Variants in MPHOSPH9 observed in about 807,000 individuals in gnomAD.
MPHOSPH9 encodes the protein M-phase phosphoprotein 9.
MPHOSPH9 carries 88 observed loss-of-function variants against 145.5 expected under a neutral mutation model. That is an observed-to-expected ratio of 0.60 (90% confidence interval 0.51 to 0.72). MPHOSPH9 has a LOEUF of 0.72. Ranked by LOEUF, MPHOSPH9 falls within the 30% of genes least tolerant of loss-of-function variation. The pLI is 0.00. For missense variants in MPHOSPH9, 1,238 were observed against 1,386.6 expected, an observed-to-expected ratio of 0.89 and a Z score of 1.70; for synonymous variants, 435 against 486.2, an observed-to-expected ratio of 0.89 and a Z score of 1.39.
intron 6 of MPHOSPH9, 91 bp downstream of exon 6, chr12:123,218,285 G>A (rs113211315): frequency 1.3e-6 from 2 of 1,507,806 alleles, no homozygotes; most frequent in Non-Finnish European, 1.8e-6. Flanking sequence ...CAATACAAAA[G>A]AAAGGGCACA....
chr12:123,212,503 T>C (rs2046771352), intron 7 of MPHOSPH9, among the ~76,000 whole-genome samples: 1 of 151,516 alleles, frequency 6.6e-6, no homozygotes, highest in Non-Finnish European at 1.5e-5. Context: ...AGGTCAGGAG[T>C]TGAAGACCAG....
At position 123,163,127 on chromosome 12, in the gene MPHOSPH9, T is replaced by G. The variant is rs113691453; in HGVS notation, c.2916A>C (p.Arg972Ser). 6.3e-7 allele frequency: 1 copy of G among 1,578,028 alleles called. No homozygotes were observed. The highest frequency in any genetic ancestry group is 1.4e-5 in the African/African-American group (1 of 72,570). ...SNRKSSTPTK[R>S]EIMLTPVTVA... ...CAGTCACTGGTGTTAGCATAATCTC[T>G]CTTTTTGCTATAGAAGAAAATGAAG... The change falls in exon 20 of 24, where the codon AGA becomes AGC. Residue 972 changes from arginine (R) to serine (S), a missense_variant. Coordinates refer to ENST00000606320, the MANE Select transcript of MPHOSPH9 (RefSeq NM_022782.4).
chr12:123,194,446 A>G lies in MPHOSPH9; in HGVS notation c.2181T>C (p.Ala727=). Reference sequence around the variant, plus strand: ...CTTCTTTATCATCTGAGAGTTTGTAAGCATTCTCAAATGCTTCTTCTAAAT... The same window carrying G: ...CTTCTTTATCATCTGAGAGTTTGTAGGCATTCTCAAATGCTTCTTCTAAAT... ...LQDLEEAFEN[A]YKLSDDKEAQ... is the part of the protein sequence containing the mutation. Residue 727 remains alanine (A), a synonymous_variant, in exon 13 of 24, where the codon GCT becomes GCC. Transcript: ENST00000606320. The G allele has an allele frequency of 1.2e-6, 2 of 1,609,898 alleles. No homozygotes were observed. The highest frequency in any genetic ancestry group is 1.7e-6 in the Non-Finnish European group (2 of 1,178,656).
At chr12:123,174,544 T>C (rs2044742669) in intron 16 of MPHOSPH9, among the ~76,000 whole-genome samples, 1 of 151,930 alleles carries the variant, frequency 6.6e-6, no homozygotes, top group African/African-American at 2.4e-5. Flanking sequence ...GGCTAATTTT[T>C]TGTATTTTTA....
At chr12:123,167,162 A>C (rs1158542076) in intron 16 of MPHOSPH9, among the ~76,000 whole-genome samples, 1 of 152,234 alleles carries the variant, frequency 6.6e-6, no homozygotes, top group Non-Finnish European at 1.5e-5. Context: ...TGTCCAACAG[A>C]ATCTTCTGCA....
rs774836810 is a variant in MPHOSPH9, at chr12:123,162,996, C to T, written c.3029+18G>A. On this transcript the variant is annotated intron_variant, in intron 20 of 23. Transcript: ENST00000606320. ...CACTAATATAGTAAACTTTATTCTA[C>T]AATTTTAGAGAACTTACCGAATTGG... 1 of 1,530,368 alleles carries T rather than the reference C, an allele frequency of 6.5e-7. No individual in the cohort carries two copies. The allele number at this position is 1,530,368 out of a possible 1,614,324, so 94.8% of individuals were successfully genotyped here.
In MPHOSPH9 at chr12:123,157,520, C is replaced by G. The variant is rs143160626; in HGVS notation, c.3451-612G>C. The stretch of plus-strand genomic sequence containing the variant: ...GTTGAGACAGGGTCTTGCTCTGTCA[C>G]CCAAAGCTGAACTGCAATGGCATGA... On this transcript the variant is annotated intron_variant, in intron 23 of 23. Coordinates refer to ENST00000606320, the MANE Select transcript of MPHOSPH9 (RefSeq NM_022782.4). 7.2e-5 allele frequency among the ~76,000 whole-genome samples: 11 copies of G among 152,268 alleles called. No individual in the cohort carries two copies. The East Asian group carries it at 1.9e-3, about 27-fold the overall frequency.
At chr12:123,176,906 C>A (rs1238160018) in intron 15 of MPHOSPH9, 117 bp from the exon 16 acceptor site, 2 of 767,554 alleles carry the variant, frequency 2.6e-6, no homozygotes, top group Admixed American at 2.3e-5. Flanking sequence ...AGTTGCAAGT[C>A]CATGGCCGGG....
Position 123,202,856 on chromosome 12 carries a change from GAGA to G in MPHOSPH9, c.1546_1548del (p.Ser516del), listed in dbSNP as rs1565944970. On this transcript the variant is annotated inframe_deletion, in exon 10 of 24. Coordinates refer to ENST00000606320, the MANE Select transcript of MPHOSPH9 (RefSeq NM_022782.4). ...GTCTGATTTTTCCAAGAGTCCACCG[GAGA>G]AGCTTTTGTGTGTGAGGGATATTTT... 2 of 1,614,198 alleles carry G rather than the reference GAGA, an allele frequency of 1.2e-6. No homozygotes were observed. Among genetic ancestry groups the G allele is most frequent in the African/African-American group, 1.3e-5 (1 of 75,058 alleles).
intron 15 of MPHOSPH9, among the ~76,000 whole-genome samples, chr12:123,177,512 G>A (rs1368219825): frequency 6.6e-6 from 1 of 151,726 alleles, no homozygotes; most frequent in African/African-American, 2.4e-5. Flanking sequence ...CTCCAGCCTG[G>A]GCAACAGAGC....
chr12:123,195,301 A>G (rs1478299418), intron 12 of MPHOSPH9, among the ~76,000 whole-genome samples: 110 of 143,316 alleles, frequency 7.7e-4, no homozygotes, highest in Admixed American at 7.2e-3. Flanking sequence ...CAGGAAATTC[A>G]GTTGGCCAGG....
chr12:123,160,753 A>G (rs1278519586), intron 23 of MPHOSPH9, 28 bp downstream of exon 23: 2 of 1,606,292 alleles, frequency 1.2e-6, no homozygotes, highest in Non-Finnish European at 1.7e-6. Context: ...TCAAGCCTCT[A>G]AAGCAGATTC....
chr12:123,233,440 G>T (rs1425377889), upstream of MPHOSPH9: 4 of 152,320 alleles, frequency 2.6e-5, no homozygotes, highest in African/African-American at 9.6e-5. Flanking sequence ...TACGGCGCGT[G>T]CGCAGATCAG....
chr12:123,205,783 A>C (rs1593186216), intron 8 of MPHOSPH9, among the ~76,000 whole-genome samples: 1 of 152,270 alleles, frequency 6.6e-6, no homozygotes, highest in Non-Finnish European at 1.5e-5. Context: ...ACATCTCTAA[A>C]GTAGGGATGC....
rs745690899 is a variant in MPHOSPH9, at chr12:123,166,728, T to C, written c.2518A>G (p.Ile840Val). 37 of 1,614,118 alleles carry C rather than the reference T, an allele frequency of 2.3e-5. No homozygotes were observed. Among genetic ancestry groups the C allele is most frequent in the Non-Finnish European group, 2.9e-5 (34 of 1,180,030 alleles). Reference protein sequence around the residue: ...KWLIPGAEYSIFTGQPLDTQD... With the variant: ...KWLIPGAEYSVFTGQPLDTQD... Reference sequence around the variant, plus strand: ...GTGTCCAGAGGCTGGCCAGTAAAGATGGAATACTCTGCACCTGGAATCAGC... The same window carrying C: ...GTGTCCAGAGGCTGGCCAGTAAAGACGGAATACTCTGCACCTGGAATCAGC... Residue 840 changes from isoleucine (I) to valine (V), a missense_variant, in exon 17 of 24, where the codon ATC becomes GTC. Around this residue, in one of 3 missense-constraint regions of MPHOSPH9, gnomAD observed 393 missense variants for 462.5 expected, o/e 0.85. Coordinates refer to ENST00000606320, the MANE Select transcript of MPHOSPH9 (RefSeq NM_022782.4).
At chr12:123,235,806 G>A (rs1034232900), upstream of MPHOSPH9, among the ~76,000 whole-genome samples, 2 of 151,642 alleles carry the variant, frequency 1.3e-5, no homozygotes, top group African/African-American at 4.8e-5. Flanking sequence ...GCTCATGCCT[G>A]TACTCCCAGC....
In MPHOSPH9 at chr12:123,155,033, G is replaced by A. The variant is rs2043833824; in HGVS notation, c.*1774C>T. The A allele has an allele frequency of 6.8e-6, 1 of 147,948 alleles. No homozygotes were observed. The highest frequency in any genetic ancestry group is 1.5e-5 in the Non-Finnish European group (1 of 66,998). The allele number at this position is 147,948 out of a possible 1,614,324, so 9.2% of individuals were successfully genotyped here. On this transcript the variant is annotated 3_prime_UTR_variant, in exon 24 of 24. Coordinates refer to ENST00000606320, the MANE Select transcript of MPHOSPH9 (RefSeq NM_022782.4). ...ATATATACATACACACACACACATA[G>A]ACATATACACACACACAAAATTAGC... is the stretch of plus-strand genomic sequence containing the variant.
chr12:123,159,486 T>G lies in MPHOSPH9; in HGVS notation c.3450+1295A>C, dbSNP rs994932593. Among the ~76,000 whole-genome samples, 3 of 152,152 alleles carry G rather than the reference T, an allele frequency of 2.0e-5. No individual in the cohort carries two copies. The highest frequency in any genetic ancestry group is 4.4e-5 in the Non-Finnish European group (3 of 68,018). ...CCATGGCAGGTTTTTTTTTGTTTTT[T>G]TTGTTGTTGTTGTTTTCCCAAACAT... On this transcript the variant is annotated intron_variant, in intron 23 of 23. Transcript: ENST00000606320. This position sits in a 1 kb window ranked among gnomAD's most constrained non-coding sequence, Gnocchi z 4.3.
chr12:123,183,564 AAAAAAAG>A (rs2045299651), intron 13 of MPHOSPH9, among the ~76,000 whole-genome samples: 1 of 150,496 alleles, frequency 6.6e-6, no homozygotes, highest in African/African-American at 2.4e-5. Context: ...AAAAAAAAAA[AAAAAAAG>A]AAAAAGGAAA....
Sources: allele counts gnomAD v4.1 joint callset (sites outside exome capture counted in the v4.1 genomes callset), GRCh38; gene constraint gnomAD v4.1.1; regional missense constraint gnomAD v4.1.1; non-coding constraint Gnocchi (gnomAD v3.1); transcripts MANE v1.5; gene names NCBI Gene and HGNC (gene_info 2026-07-23, HGNC 2026-07-21).